KLF12: variants seen among roughly 807,000 people sequenced by gnomAD.
KLF12 encodes the protein Krueppel-like factor 12.
KLF12 carries 9 observed loss-of-function variants against 37.8 expected under a neutral mutation model. The ratio of observed to expected loss-of-function variants is 0.24; its 90% confidence interval spans 0.14 to 0.42. The LOEUF (loss-of-function observed/expected upper bound fraction) is 0.42. Ranked by LOEUF, KLF12 falls within the 10% of genes least tolerant of loss-of-function variation. The probability of loss-of-function intolerance (pLI) is 1.00; values close to 1 mark genes in which losing one functional copy is unlikely to be tolerated. For missense variants in KLF12, 411 were observed against 516.0 expected (o/e 0.80, Z 1.97); for synonymous variants, 208 against 202.1 (o/e 1.03, Z -0.25).
intron 2 of KLF12, among the ~76,000 whole-genome samples, chr13:73,980,613 T>G (rs1007556539): frequency 2.0e-5 from 3 of 152,214 alleles, no homozygotes; most frequent in African/African-American, 4.8e-5. Flanking sequence ...TAATCAATCC[T>G]GAATATCTAC....
the KLF12 span, among the ~76,000 whole-genome samples, chr13:74,304,898 A>G: frequency 6.6e-6 from 1 of 152,130 alleles, no homozygotes; most frequent in African/African-American, 2.4e-5. Context: ...AAACTCTACA[A>G]GACATTTTCT....
At chr13:73,879,646 A>T (rs1886885015) in intron 3 of KLF12, among the ~76,000 whole-genome samples, 1 of 152,218 alleles carries the variant, frequency 6.6e-6, no homozygotes. Flanking sequence ...AATCCTATGA[A>T]GATATCAACA....
chr13:73,969,087 G>C (rs1293751880), intron 2 of KLF12, among the ~76,000 whole-genome samples: 1 of 152,012 alleles, frequency 6.6e-6, no homozygotes, highest in African/African-American at 2.4e-5. Context: ...ATATTGGAGT[G>C]GGAGGAATAC....
At chr13:73,992,472 T>C (rs1377176509) in intron 2 of KLF12, among the ~76,000 whole-genome samples, 1 of 152,242 alleles carries the variant, frequency 6.6e-6, no homozygotes, top group Admixed American at 6.5e-5. Flanking sequence ...TGTTTGTTTT[T>C]GTTTTTGTTT....
intron 3 of KLF12, among the ~76,000 whole-genome samples, chr13:73,877,250 T>C (rs984287527): frequency 9.9e-5 from 15 of 152,166 alleles, no homozygotes; most frequent in African/African-American, 2.7e-4. Flanking sequence ...AGCTCTATCA[T>C]TGTATAAAAA....
intron 1 of KLF12, among the ~76,000 whole-genome samples, chr13:74,019,887 A>G (rs946435923): frequency 9.2e-5 from 14 of 152,220 alleles, no homozygotes; most frequent in South Asian, 2.1e-4. Flanking sequence ...GACATTAAAT[A>G]TAAGTGTCAG....
At chr13:73,775,003 T>C (rs1162027472) in intron 5 of KLF12, among the ~76,000 whole-genome samples, 1 of 151,452 alleles carries the variant, frequency 6.6e-6, no homozygotes. Flanking sequence ...CTGCAACCTC[T>C]GCCTCCTGGG....
At chr13:74,019,539 A>C (rs1691479288) in intron 1 of KLF12, among the ~76,000 whole-genome samples, 2 of 152,220 alleles carry the variant, frequency 1.3e-5, no homozygotes, top group African/African-American at 4.8e-5. Flanking sequence ...TTTTTAACTT[A>C]CAAGTCCCTT....
intron 6 of KLF12, 43 bp from the exon 7 acceptor site, chr13:73,715,568 GC>G (rs36125333): frequency 5.0e-6 from 8 of 1,593,192 alleles, no homozygotes; most frequent in Non-Finnish European, 6.9e-6. Flanking sequence ...GATGCACACC[GC>G]CCCATTTTGG....
chr13:73,917,420 T>C (rs1413428423), intron 3 of KLF12, among the ~76,000 whole-genome samples: 1 of 152,220 alleles, frequency 6.6e-6, no homozygotes, highest in African/African-American at 2.4e-5. Flanking sequence ...AATCACCCTA[T>C]GCTTAGAAAT....
At chr13:74,043,602 A>AC (rs1488169682) in intron 1 of KLF12, among the ~76,000 whole-genome samples, 1 of 152,256 alleles carries the variant, frequency 6.6e-6, no homozygotes, top group Non-Finnish European at 1.5e-5. Flanking sequence ...CATAAAAGCT[A>AC]CCAAGCTCCC....
At chr13:74,258,949 G>A in the KLF12 span, 3 of 152,370 alleles carry the variant, frequency 2.0e-5, no homozygotes, top group South Asian at 2.1e-4. Context: ...GAAAGAGAGC[G>A]CTGGAAGACT....
intron 7 of KLF12, among the ~76,000 whole-genome samples, chr13:73,697,230 G>C (rs1027150926): frequency 6.6e-6 from 1 of 152,168 alleles, no homozygotes. Context: ...TCATTCAACT[G>C]TTAAATCAAT....
chr13:74,128,034 T>C (rs555596992), intron 1 of KLF12, among the ~76,000 whole-genome samples: 6 of 152,366 alleles, frequency 3.9e-5, no homozygotes, highest in Non-Finnish European at 7.3e-5. Context: ...AGATTTTCAA[T>C]CTCTAATCAT....
chr13:74,221,670 C>T, the KLF12 span, among the ~76,000 whole-genome samples: 1 of 152,006 alleles, frequency 6.6e-6, no homozygotes, highest in African/African-American at 2.4e-5. Context: ...TTTATAATTG[C>T]TTATTAGACC....
chr13:73,841,810 G>C (rs1232073371), intron 4 of KLF12, among the ~76,000 whole-genome samples: 3 of 152,114 alleles, frequency 2.0e-5, no homozygotes, highest in African/African-American at 4.8e-5. Context: ...CACCACTGTG[G>C]GGGGGCTAAC....
intron 1 of KLF12, among the ~76,000 whole-genome samples, chr13:74,129,834 C>T (rs1878164507): frequency 1.3e-5 from 2 of 152,128 alleles, no homozygotes; most frequent in Admixed American, 6.5e-5. Flanking sequence ...ACACCCAAAA[C>T]GGAAAAATCC....
At chr13:73,948,735 G>A (rs1183622583) in intron 2 of KLF12, among the ~76,000 whole-genome samples, 1 of 152,154 alleles carries the variant, frequency 6.6e-6, no homozygotes, top group Non-Finnish European at 1.5e-5. Flanking sequence ...TATTGCAGAT[G>A]TGCCAGTTCC....
intron 5 of KLF12, among the ~76,000 whole-genome samples, chr13:73,789,647 C>G (rs1163647641): frequency 6.6e-6 from 1 of 151,090 alleles, no homozygotes; most frequent in Non-Finnish European, 1.5e-5. Context: ...GGTTTGGACT[C>G]TAGTCCCAAA....
Sources: allele counts gnomAD v4.1 joint callset (sites outside exome capture counted in the v4.1 genomes callset), GRCh38; gene constraint gnomAD v4.1.1; transcripts MANE v1.5; gene names NCBI Gene and HGNC (gene_info 2026-07-23, HGNC 2026-07-21).